The following GOLGA1 variants were observed in gnomAD, a reference collection of about 807,000 sequenced individuals.
GOLGA1 encodes golgin A1.
GOLGA1 carries 63 observed loss-of-function variants against 119.7 expected under a neutral mutation model. The ratio of observed to expected loss-of-function variants is 0.53; its 90% confidence interval spans 0.43 to 0.65. The LOEUF is 0.65. Ranked by LOEUF, GOLGA1 falls within the 30% of genes least tolerant of loss-of-function variation. GOLGA1 has a pLI of 0.00. For synonymous variants in GOLGA1, 318 were observed against 333.4 expected, an observed-to-expected ratio of 0.95 and a Z score of 0.50; for missense variants, 798 against 912.8, an observed-to-expected ratio of 0.87 and a Z score of 1.62.
chr9:124,936,260 T>C (rs73666657), intron 3 of GOLGA1, among the ~76,000 whole-genome samples: 2,427 of 152,172 alleles, frequency 0.016, 59 homozygotes, highest in African/African-American at 0.055. Context: ...ATAATGTAGA[T>C]CTGGTAATCT....
upstream of GOLGA1, among the ~76,000 whole-genome samples, chr9:124,941,335 G>A (rs534119539): frequency 5.9e-5 from 9 of 152,356 alleles, no homozygotes; most frequent in African/African-American, 2.2e-4. Flanking sequence ...ATTTTAACAG[G>A]GGCGCGTGCA....
At chr9:124,943,190 A>G (rs2131556334), upstream of GOLGA1, 1 of 152,386 alleles carries the variant, frequency 6.6e-6, no homozygotes, top group East Asian at 1.9e-4. Context: ...ACAAATGTTC[A>G]AGTCAAATGA....
chr9:124,914,100 C>T (rs1830391139), intron 10 of GOLGA1, among the ~76,000 whole-genome samples: 1 of 152,170 alleles, frequency 6.6e-6, no homozygotes, highest in Non-Finnish European at 1.5e-5. Flanking sequence ...GCCATGTTGA[C>T]CCATCTTTAT....
At chr9:124,947,626 A>G (rs1487420835) in intron 1 of GOLGA1, 1 of 152,224 alleles carries the variant, frequency 6.6e-6, no homozygotes, top group African/African-American at 2.4e-5. Flanking sequence ...GCATACCAAT[A>G]TATTTACAAA....
In GOLGA1 at chr9:124,888,193, T is replaced by G; in HGVS notation, c.1905+60A>C. 2 of 1,528,878 alleles carry G rather than the reference T, an allele frequency of 1.3e-6. No homozygotes were observed. Among genetic ancestry groups the G allele is most frequent in the Non-Finnish European group, 1.8e-6 (2 of 1,104,266 alleles). The allele number at this position is 1,528,878 out of a possible 1,614,324, so 94.7% of individuals were successfully genotyped here. A position where few individuals can be genotyped will look rare whatever the true frequency, so the allele number is the denominator to read the frequency against. ...ACCTCCAAGGATGGACTGGGTCATT[T>G]TAGGCCTGAGGGTGAGGACCTGGTG... On this transcript the variant is annotated intron_variant, in intron 19 of 22. Transcript: ENST00000373555. The surrounding 1 kb of genome is among the most constrained non-coding windows in gnomAD (Gnocchi z 4.4).
chr9:124,905,969 C>A (rs565792755), intron 12 of GOLGA1, among the ~76,000 whole-genome samples: 1 of 151,488 alleles, frequency 6.6e-6, no homozygotes, highest in African/African-American at 2.4e-5. Context: ...AAAAATTAGT[C>A]GGGCGTGGTG....
chr9:124,890,726 C>T (rs752244), intron 15 of GOLGA1, among the ~76,000 whole-genome samples: 54,387 of 151,884 alleles, frequency 0.36, 9,918 homozygotes, highest in Admixed American at 0.4. Context: ...CCCACGAGCA[C>T]CCCCGCCAGG....
At chr9:124,934,187 T>C (rs1322520654) in intron 3 of GOLGA1, among the ~76,000 whole-genome samples, 1 of 152,210 alleles carries the variant, frequency 6.6e-6, no homozygotes, top group African/African-American at 2.4e-5. Context: ...AGAGCAGATA[T>C]GACTCTATAA....
At chr9:124,937,056 T>C (rs899828182) in intron 3 of GOLGA1, among the ~76,000 whole-genome samples, 28 of 152,244 alleles carry the variant, frequency 1.8e-4, no homozygotes, top group African/African-American at 5.8e-4. Context: ...ATTGATAGTG[T>C]TCTATCTCTT....
rs958678981 is a variant in GOLGA1, at chr9:124,881,006, C to T, written c.2223+165G>A. On this transcript the variant is annotated intron_variant, in intron 22 of 22. Coordinates refer to ENST00000373555, the MANE Select transcript of GOLGA1 (RefSeq NM_002077.4). This position sits in a 1 kb window ranked among gnomAD's most constrained non-coding sequence, Gnocchi z 4.9. ...GACATTTGGGCACAAAGGATGTCAT[C>T]GCTAAAAAGTGCTTGGATCAAGTTC... 1.3e-5 allele frequency among the ~76,000 whole-genome samples: 2 copies of T among 152,166 alleles called. No individual in the cohort carries two copies. Among genetic ancestry groups the T allele is most frequent in the South Asian group, 4.1e-4 (2 of 4,824 alleles).
In GOLGA1 at chr9:124,928,321, C is replaced by T. The variant is rs374633911; in HGVS notation, c.302-36G>A. 1.3e-5 allele frequency: 14 copies of T among 1,118,842 alleles called. No homozygotes were observed. In the African/African-American group the frequency reaches 1.7e-4, roughly 14 times the overall value. The allele number at this position is 1,118,842 out of a possible 1,614,324, so 69.3% of individuals were successfully genotyped here. ...AGAGGCTCTATTTGAGATATGAAAACACTTCAGAAACAGCATGACAAATAG... is the reference window on the plus strand; with the variant it reads ...AGAGGCTCTATTTGAGATATGAAAATACTTCAGAAACAGCATGACAAATAG... On this transcript the variant is annotated intron_variant, in intron 5 of 22. Coordinates refer to ENST00000373555, the MANE Select transcript of GOLGA1 (RefSeq NM_002077.4).
At chr9:124,922,914 TTTTAAACAGAACTTTTCTATTTTAA>T (rs1830598978) in intron 8 of GOLGA1, among the ~76,000 whole-genome samples, 156 bp downstream of exon 8, 1 of 151,984 alleles carries the variant, frequency 6.6e-6, no homozygotes, top group Non-Finnish European at 1.5e-5. Flanking sequence ...AAAAAGAACA[TTTTAAACAGAACTTTTCTATTTTAA>T]TAAATTTAAA....
At chr9:124,916,080 C>A (rs1830436527) in intron 10 of GOLGA1, among the ~76,000 whole-genome samples, 1 of 148,048 alleles carries the variant, frequency 6.8e-6, no homozygotes, top group Non-Finnish European at 1.5e-5. Context: ...CCAGCCTGGG[C>A]AACAGAGCAA....
intron 3 of GOLGA1, among the ~76,000 whole-genome samples, 185 bp downstream of exon 3, chr9:124,938,391 AT>A (rs1225925671): frequency 5.3e-5 from 1 of 19,022 alleles, no homozygotes; most frequent in East Asian, 1.5e-3. Flanking sequence ...GGAAAAAAAT[AT>A]AGAGTACCTT....
intron 3 of GOLGA1, among the ~76,000 whole-genome samples, chr9:124,933,913 C>T (rs1020434584): frequency 1.3e-5 from 2 of 152,186 alleles, no homozygotes; most frequent in African/African-American, 4.8e-5. Context: ...GCACCTGTTT[C>T]CTCCAAGCTT....
At chr9:124,900,623 G>A (rs2131411996) in intron 12 of GOLGA1, 76 bp from the exon 13 acceptor site, 1 of 669,018 alleles carries the variant, frequency 1.5e-6, no homozygotes, top group Non-Finnish European at 2.7e-6. Context: ...AAAATGCAAA[G>A]CGATTTAAAT....
In GOLGA1 at chr9:124,921,898, A is replaced by T; in HGVS notation, c.562-6T>A. On this transcript the variant is annotated splice_polypyrimidine_tract_variant and splice_region_variant and intron_variant, in intron 8 of 22. Transcript: ENST00000373555. ...CTTTCTTCTTTTTTTAAAAGCTGAC[A>T]CAAAAATACAAAGTTTCATTGGGCT... 1 of 1,609,636 alleles carries T rather than the reference A, an allele frequency of 6.2e-7. No individual in the cohort carries two copies. Among genetic ancestry groups the T allele is most frequent in the Non-Finnish European group, 8.5e-7 (1 of 1,177,076 alleles).
upstream of GOLGA1, among the ~76,000 whole-genome samples, chr9:124,942,157 T>A (rs930804146): frequency 6.6e-6 from 1 of 151,924 alleles, no homozygotes; most frequent in African/African-American, 2.4e-5. Context: ...GTAATCCCAA[T>A]TACTTGGGAG....
chr9:124,908,244 C>T, intron 12 of GOLGA1, 133 bp downstream of exon 12: 1 of 654,474 alleles, frequency 1.5e-6, no homozygotes, highest in Non-Finnish European at 2.8e-6. Context: ...TAACTCATCC[C>T]TGTATAGGTA....
Sources: allele counts gnomAD v4.1 joint callset (sites outside exome capture counted in the v4.1 genomes callset), GRCh38; gene constraint gnomAD v4.1.1; non-coding constraint Gnocchi (gnomAD v3.1); transcripts MANE v1.5; gene names NCBI Gene and HGNC (gene_info 2026-07-23, HGNC 2026-07-21).